TMCO5A: variants seen among roughly 807,000 people sequenced by gnomAD.
TMCO5A encodes the protein transmembrane and coiled-coil domain-containing protein 5A.
A neutral mutation model predicts 42.3 loss-of-function variants in TMCO5A; 34 were observed. That is an observed-to-expected ratio of 0.80 (90% CI 0.61 to 1.07). The LOEUF is 1.07. TMCO5A is among the 50% of genes least tolerant of loss of function. The pLI is 0.00. For missense variants in TMCO5A, 357 were observed against 327.9 expected (o/e 1.09, Z -0.69); for synonymous variants, 131 against 115.6 (o/e 1.13, Z -0.86).
the TMCO5A span, among the ~76,000 whole-genome samples, chr15:38,030,093 TTTTACA>T: frequency 6.6e-6 from 1 of 152,216 alleles, no homozygotes; most frequent in Non-Finnish European, 1.5e-5. Context: ...GTAAGGAGTC[TTTTACA>T]TTTATAGGCT....
At chr15:37,947,840 G>A (rs1363386057) in intron 11 of TMCO5A, 144 bp downstream of exon 11, 2 of 540,654 alleles carry the variant, frequency 3.7e-6, no homozygotes, top group African/African-American at 2.0e-5. Context: ...GCAAACTAAT[G>A]TCTTTGACTG....
chr15:37,984,033 T>G, the TMCO5A span, among the ~76,000 whole-genome samples: 36,516 of 152,092 alleles, frequency 0.24, 9,874 homozygotes, highest in African/African-American at 0.67. Context: ...TCTTCTGAGG[T>G]CATGAGAGGA....
chr15:37,953,055 A>G (rs577191999), downstream of TMCO5A, among the ~76,000 whole-genome samples: 123 of 152,286 alleles, frequency 8.1e-4, no homozygotes, highest in African/African-American at 2.9e-3. Flanking sequence ...GTACAGTACA[A>G]TATCAGATGG....
rs1395755041 is a variant in TMCO5A at position 37,936,986 on chromosome 15, G to A, written c.264+16G>A. The A allele has an allele frequency of 6.2e-7, 1 of 1,611,314 alleles. No individual in the cohort carries two copies. The highest frequency in any genetic ancestry group is 8.5e-7 in the Non-Finnish European group (1 of 1,178,544). ...AGCCAGACTTGTAAGCAAGAAGTTG[G>A]GAAGAGCCATTTAATAGGTTGCATT... On this transcript the variant is annotated intron_variant, in intron 4 of 11. Coordinates refer to ENST00000319669, the MANE Select transcript of TMCO5A (RefSeq NM_152453.4).
rs1889543985 is a variant in TMCO5A, at chr15:37,937,079, T to G, written c.264+109T>G. The G allele has an allele frequency of 5.4e-6, 8 of 1,478,440 alleles. No homozygotes were observed. The East Asian group carries it at 1.9e-4, about 35-fold the overall frequency. The allele number at this position is 1,478,440 out of a possible 1,614,324, so 91.6% of individuals were successfully genotyped here. ...CCTTTTTATACATGAACAGTAGCCA[T>G]CTCAAAAGTCATGATAAAATTTGTC... On this transcript the variant is annotated intron_variant, in intron 4 of 11. Transcript: ENST00000319669.
the TMCO5A span, among the ~76,000 whole-genome samples, chr15:38,011,527 A>G: frequency 6.6e-6 from 1 of 152,166 alleles, no homozygotes; most frequent in Non-Finnish European, 1.5e-5. Flanking sequence ...AAGGACATTA[A>G]CTATCCAGAA....
At chr15:38,019,681 C>T in the TMCO5A span, among the ~76,000 whole-genome samples, 1 of 152,242 alleles carries the variant, frequency 6.6e-6, no homozygotes, top group South Asian at 2.1e-4. Flanking sequence ...AATCATAGCT[C>T]ACTGCAGCCT....
the TMCO5A span, among the ~76,000 whole-genome samples, chr15:37,986,980 A>G: frequency 2.6e-5 from 4 of 152,060 alleles, no homozygotes; most frequent in East Asian, 1.9e-4. Context: ...AGGAACCACC[A>G]TACTGTTTTC....
the TMCO5A span, among the ~76,000 whole-genome samples, chr15:38,031,279 G>A: frequency 2.0e-5 from 3 of 151,804 alleles, no homozygotes; most frequent in East Asian, 5.8e-4. Flanking sequence ...ACTCAATTCC[G>A]CTGGGTCCCT....
chr15:37,965,862 T>C (rs1890542780), intron 11 of TMCO5A, among the ~76,000 whole-genome samples: 1 of 152,116 alleles, frequency 6.6e-6, no homozygotes, highest in Non-Finnish European at 1.5e-5. Context: ...CTCAAAAAAC[T>C]AAAAATAGAG....
At chr15:37,972,315 C>T (rs1263236386), downstream of TMCO5A, among the ~76,000 whole-genome samples, 2 of 152,160 alleles carry the variant, frequency 1.3e-5, no homozygotes, top group Non-Finnish European at 2.9e-5. Context: ...ATTCAATTAC[C>T]TCCCACCGGG....
chr15:38,006,783 T>C, the TMCO5A span, among the ~76,000 whole-genome samples: 1 of 152,088 alleles, frequency 6.6e-6, no homozygotes, highest in Non-Finnish European at 1.5e-5. Context: ...AAGCAGGGAT[T>C]AGCAAACTTT....
chr15:37,944,466 A>G (rs1324456332), intron 10 of TMCO5A: 1 of 152,098 alleles, frequency 6.6e-6, no homozygotes, highest in African/African-American at 2.4e-5. Context: ...GTGATGTCTG[A>G]GCAACTTTGG....
chr15:37,971,517 T>C (rs1415066740), downstream of TMCO5A, among the ~76,000 whole-genome samples: 1 of 152,244 alleles, frequency 6.6e-6, no homozygotes, highest in African/African-American at 2.4e-5. Flanking sequence ...TCATTACTTA[T>C]GCAAATTTCT....
At chr15:37,982,696 A>G in the TMCO5A span, among the ~76,000 whole-genome samples, 2 of 143,376 alleles carry the variant, frequency 1.4e-5, no homozygotes, top group Non-Finnish European at 3.0e-5. Context: ...CATATGTTAT[A>G]TGATCTATGT....
At chr15:38,038,025 TA>T in the TMCO5A span, among the ~76,000 whole-genome samples, 139 of 145,476 alleles carry the variant, frequency 9.6e-4, no homozygotes, top group Middle Eastern at 7.1e-3. Context: ...AAAAAAAAAA[TA>T]AAAAAAAAAT....
chr15:38,023,874 G>A, the TMCO5A span, among the ~76,000 whole-genome samples: 2 of 152,132 alleles, frequency 1.3e-5, no homozygotes, highest in Non-Finnish European at 2.9e-5. Context: ...TAGTGAAATA[G>A]CTCTGTTCTC....
chr15:37,973,792 TC>T, the TMCO5A span, among the ~76,000 whole-genome samples: 1 of 152,204 alleles, frequency 6.6e-6, no homozygotes, highest in South Asian at 2.1e-4. Context: ...GGCTAGGATA[TC>T]CAGTACAATG....
At chr15:38,036,922 C>T in the TMCO5A span, among the ~76,000 whole-genome samples, 2 of 152,244 alleles carry the variant, frequency 1.3e-5, no homozygotes, top group South Asian at 4.1e-4. Context: ...TAGAGGAATG[C>T]AAGAATGAGC....
Sources: gnomAD v4.1 joint callset for allele counts (sites outside exome capture counted in the v4.1 genomes callset) on GRCh38, gnomAD v4.1.1 for gene constraint, MANE v1.5 for transcripts, NCBI Gene and HGNC (gene_info 2026-07-23, HGNC 2026-07-21) for gene names.